The following RYR2 variants were observed in gnomAD, a reference collection of about 807,000 sequenced individuals.
The protein encoded by RYR2 is cardiac muscle ryanodine receptor-calcium release channel.
A neutral mutation model predicts 601.1 loss-of-function variants in RYR2; 227 were observed. The ratio of observed to expected loss-of-function variants is 0.38; its 90% CI spans 0.34 to 0.42. The LOEUF (loss-of-function observed/expected upper bound fraction) is 0.42, where lower values mean the gene tolerates loss of function less well. RYR2 is among the 10% of genes least tolerant of loss of function. The pLI, the probability that RYR2 is intolerant of heterozygous loss-of-function variation, is 1.00. For missense variants in RYR2, 4,646 were observed against 6,156.5 expected, an observed-to-expected ratio of 0.75 and a Z score of 8.21; for synonymous variants, 2,223 against 2,175.1, an observed-to-expected ratio of 1.02 and a Z score of -0.61.
intron 78 of RYR2, among the ~76,000 whole-genome samples, chr1:237,732,443 A>T (rs1329471912): frequency 6.6e-6 from 1 of 152,200 alleles, no homozygotes; most frequent in Non-Finnish European, 1.5e-5. Flanking sequence ...AACAAACTTT[A>T]TAAATAAAAC....
intron 101 of RYR2, among the ~76,000 whole-genome samples, chr1:237,823,699 T>C (rs567165479): frequency 2.0e-5 from 3 of 152,082 alleles, no homozygotes; most frequent in African/African-American, 7.2e-5. Context: ...CTGAATGAGA[T>C]AGAGAAACGA....
chr1:237,043,824 C>T (rs1465593388), intron 1 of RYR2, among the ~76,000 whole-genome samples: 1 of 152,162 alleles, frequency 6.6e-6, no homozygotes, highest in African/African-American at 2.4e-5. Flanking sequence ...ATCGTAGATA[C>T]GGTGGAATTT....
chr1:237,295,836 T>C (rs548598490), intron 2 of RYR2, among the ~76,000 whole-genome samples: 24 of 152,324 alleles, frequency 1.6e-4, no homozygotes, highest in Non-Finnish European at 2.8e-4. Context: ...TTTAGAGTGT[T>C]GATGACGTGC....
chr1:237,666,642 A>C (rs1684351535), intron 57 of RYR2, 53 bp downstream of exon 57: 2 of 1,372,896 alleles, frequency 1.5e-6, no homozygotes, highest in African/African-American at 2.9e-5. Flanking sequence ...TTTAAGAAGC[A>C]TAATGTAATG....
At chr1:237,829,182 C>G (rs1191765818) in intron 102 of RYR2, among the ~76,000 whole-genome samples, 4 of 152,102 alleles carry the variant, frequency 2.6e-5, no homozygotes, top group African/African-American at 7.2e-5. Flanking sequence ...CTGTGGGAAG[C>G]AAGAAAAGGG....
intron 24 of RYR2, among the ~76,000 whole-genome samples, chr1:237,528,480 T>C (rs1667808456): frequency 6.6e-6 from 1 of 152,178 alleles, no homozygotes; most frequent in African/African-American, 2.4e-5. Context: ...GTACCTTAGA[T>C]ATGGTGGTAA....
intron 1 of RYR2, among the ~76,000 whole-genome samples, chr1:237,053,717 T>A (rs945907765): frequency 1.3e-5 from 2 of 152,140 alleles, no homozygotes; most frequent in African/African-American, 4.8e-5. Context: ...TCTCTATGGG[T>A]GGGATAGGGA....
intron 52 of RYR2, among the ~76,000 whole-genome samples, chr1:237,655,003 A>G (rs1345011754): frequency 6.6e-6 from 1 of 152,232 alleles, no homozygotes; most frequent in African/African-American, 2.4e-5. Flanking sequence ...TAAATTAATC[A>G]AAATTAGTTT....
chr1:237,055,659 G>A (rs1661902630), intron 1 of RYR2, among the ~76,000 whole-genome samples: 1 of 152,176 alleles, frequency 6.6e-6, no homozygotes, highest in African/African-American at 2.4e-5. Flanking sequence ...GGGGAAGGCA[G>A]TGGGATTTAT....
chr1:237,449,028 C>T (rs1657736291), intron 14 of RYR2, among the ~76,000 whole-genome samples: 1 of 151,980 alleles, frequency 6.6e-6, no homozygotes, highest in Admixed American at 6.6e-5. Context: ...ATATTCGTCC[C>T]ACCTAGTAAT....
At chr1:237,148,553 T>TATATATATATATATATATACATAC (rs71178397) in intron 1 of RYR2, among the ~76,000 whole-genome samples, 1 of 105,698 alleles carries the variant, frequency 9.5e-6, no homozygotes, top group African/African-American at 4.0e-5. Context: ...TATATATATA[T>TATATATATATATATATATACATAC]ACACACACAC....
At chr1:237,442,219 A>C (rs1707972763) in intron 13 of RYR2, among the ~76,000 whole-genome samples, 1 of 152,194 alleles carries the variant, frequency 6.6e-6, no homozygotes, top group Non-Finnish European at 1.5e-5. Context: ...GTGGCAGAAG[A>C]GGTTGATTTG....
At chr1:237,723,013 G>C (rs1048539404) in intron 73 of RYR2, 115 bp from the exon 74 acceptor site, 1 of 860,884 alleles carries the variant, frequency 1.2e-6, no homozygotes, top group African/African-American at 1.7e-5. Flanking sequence ...TGTCTTAACT[G>C]GTAAACACTG....
Position 237,792,349 on chromosome 1 carries a change from CTGTG to C in RYR2, c.13782+55_13782+58del, listed in dbSNP as rs34337859. On this transcript the variant is annotated intron_variant, in intron 94 of 104. Transcript: ENST00000366574. Reference sequence around the variant, plus strand: ...GTAAGATAGTAAGGCACCAAGGTACCTGTGTGTGTGTGTGTGTGTGTGTGTGTGT... The same window carrying C: ...GTAAGATAGTAAGGCACCAAGGTACCTGTGTGTGTGTGTGTGTGTGTGTGT... 239,841 of 697,282 alleles carry C rather than the reference CTGTG, an allele frequency of 0.34. 26,318 individuals are homozygous for C. The highest frequency in any genetic ancestry group is 0.39 in the East Asian group (13,031 of 33,558). The allele number at this position is 697,282 out of a possible 1,614,324, so 43.2% of individuals were successfully genotyped here.
Position 237,593,613 on chromosome 1 carries a change from T to C in RYR2, c.4413T>C (p.Asp1471=), listed in dbSNP as rs1675481201. 1 of 1,613,864 alleles carries C rather than the reference T, an allele frequency of 6.2e-7. No individual in the cohort carries two copies. Among genetic ancestry groups the C allele is most frequent in the Non-Finnish European group, 8.5e-7 (1 of 1,179,826 alleles). Residue 1471 remains aspartate, a synonymous_variant, in exon 33 of 105, where the codon GAT becomes GAC. Transcript: ENST00000366574. ...GCACAGTAACAGTTACTCTAGGAGA[T>C]GAAAAAGGAAAAGTGCATGAAAGGT... ...RVRTVTVTLG[D]EKGKVHESIK... is the part of the protein sequence containing the mutation.
Position 237,791,460 on chromosome 1 carries a change from G to A in RYR2, c.13508G>A (p.Arg4503Lys). 6.3e-7 allele frequency: 1 copy of A among 1,579,408 alleles called. No individual in the cohort carries two copies. The highest frequency in any genetic ancestry group is 1.8e-5 in the Admixed American group (1 of 55,140). The change falls in exon 93 of 105, where the codon AGA becomes AAA. Residue 4503 changes from arginine to lysine, a missense_variant. Physicochemically the swap from Arg to Lys is conservative, Grantham distance 26 (BLOSUM62 2). Coordinates refer to ENST00000366574, the MANE Select transcript of RYR2 (RefSeq NM_001035.3). The stretch of plus-strand genomic sequence containing the variant: ...TTTGCTCGCAACTTTTACAACATGA[G>A]AATGTTAGCCTTATTTGTCGCATTT... ...NYFARNFYNM[R>K]MLALFVAFAI...
intron 58 of RYR2, among the ~76,000 whole-genome samples, chr1:237,668,759 G>C (rs1186250538): frequency 6.6e-6 from 1 of 152,188 alleles, no homozygotes; most frequent in Non-Finnish European, 1.5e-5. Context: ...GATATTTCAT[G>C]GTGAAAGGTA....
At chr1:237,660,359 C>T (rs1683662733) in intron 55 of RYR2, among the ~76,000 whole-genome samples, 1 of 151,848 alleles carries the variant, frequency 6.6e-6, no homozygotes, top group Admixed American at 6.6e-5. Flanking sequence ...AAAAAATCTT[C>T]TTATCATGCT....
chr1:237,172,987 A>T (rs1041594833), intron 1 of RYR2, among the ~76,000 whole-genome samples: 17 of 152,232 alleles, frequency 1.1e-4, no homozygotes, highest in African/African-American at 4.1e-4. Flanking sequence ...TAAGCCTGCT[A>T]GTATGAGCTG....
Sources: allele counts gnomAD v4.1 joint callset (sites outside exome capture counted in the v4.1 genomes callset), GRCh38; gene constraint gnomAD v4.1.1; transcripts MANE v1.5; gene names NCBI Gene and HGNC (gene_info 2026-07-23, HGNC 2026-07-21).